The following RGS3 variants were observed in gnomAD, a reference collection of about 807,000 sequenced individuals.
The protein encoded by RGS3 is regulator of G protein signaling 3, also known as regulator of G-protein signalling 3.
A neutral mutation model predicts 132.6 loss-of-function variants in RGS3; 80 were observed. The observed-to-expected ratio is 0.60, with a 90% CI of 0.50 to 0.73. The LOEUF is 0.73. Among genes scored for constraint, RGS3 ranks in the 30% least tolerant of loss-of-function variants. The probability of loss-of-function intolerance (pLI) is 0.00; values close to 1 mark genes in which losing one functional copy is unlikely to be tolerated. For synonymous variants in RGS3, 598 were observed against 620.6 expected, an observed-to-expected ratio of 0.96 and a Z score of 0.54; for missense variants, 1,382 against 1,530.8, an observed-to-expected ratio of 0.90 and a Z score of 1.62.
At chr9:113,484,272 A>C (rs201587371) in intron 6 of RGS3, 40 bp downstream of exon 4, 1 of 1,059,882 alleles carries the variant, frequency 9.4e-7, no homozygotes, top group Admixed American at 1.8e-5. Flanking sequence ...AAGGAGAGGG[A>C]AGGAGTGTTT....
chr9:113,496,568 T>C (rs1207794911), intron 8 of RGS3, among the ~76,000 whole-genome samples: 2 of 152,142 alleles, frequency 1.3e-5, no homozygotes, highest in South Asian at 4.2e-4. Context: ...TTTTTTCTTT[T>C]GAGACGGAGT....
At chr9:113,461,681 G>T in intron 1 of RGS3, 1 of 1,605,420 alleles carries the variant, frequency 6.2e-7, no homozygotes. Flanking sequence ...AGTGCCCAGT[G>T]TGGGCCTCGG....
intron 7 of RGS3, among the ~76,000 whole-genome samples, chr9:113,494,047 G>A (rs1343044389): frequency 6.6e-6 from 1 of 151,948 alleles, no homozygotes; most frequent in African/African-American, 2.4e-5. Context: ...AAATATCCAC[G>A]ATGTTTCTTG....
chr9:113,479,282 C>A, intron 3 of RGS3: 2 of 607,582 alleles, frequency 3.3e-6, no homozygotes, highest in Non-Finnish European at 5.9e-6. Context: ...GCTAGAGAAC[C>A]ACTGCTGGAG....
chr9:113,597,037 G>A, exon 25 of RGS3: 1 of 1,226,340 alleles, frequency 8.2e-7, no homozygotes. Context: ...GTGACGGAGG[G>A]GGCAAGCAAG....
At chr9:113,596,640 G>A (rs1310780744) in intron 24 of RGS3, 128 bp from the exon 23 acceptor site, 3 of 733,074 alleles carry the variant, frequency 4.1e-6, no homozygotes, top group Non-Finnish European at 6.5e-6. Flanking sequence ...CTCTACTTCA[G>A]ATGAACCTTA....
At chr9:113,517,306 G>T in intron 15 of RGS3, 1 of 648,844 alleles carries the variant, frequency 1.5e-6, no homozygotes, top group Non-Finnish European at 2.9e-6. Flanking sequence ...TAGCTCTCAC[G>T]GTGAGGGTTG....
At chr9:113,534,608 GA>G (rs1832605213) in intron 18 of RGS3, among the ~76,000 whole-genome samples, 1 of 127,452 alleles carries the variant, frequency 7.8e-6, no homozygotes, top group Admixed American at 9.6e-5. Flanking sequence ...TAGTACAGAT[GA>G]ATTTTTTTTT....
intron 3 of RGS3, among the ~76,000 whole-genome samples, chr9:113,472,075 A>G (rs934353202): frequency 2.6e-5 from 4 of 152,240 alleles, no homozygotes; most frequent in Non-Finnish European, 5.9e-5. Flanking sequence ...ACAATGAGAT[A>G]CTATCATACT....
intron 19 of RGS3, among the ~76,000 whole-genome samples, chr9:113,571,945 C>T (rs1166168224): frequency 6.6e-6 from 1 of 152,144 alleles, no homozygotes; most frequent in East Asian, 1.9e-4. Context: ...AAAATCCATC[C>T]TGTCTCACTA....
At chr9:113,588,873 G>A (rs1355693637) in intron 20 of RGS3, among the ~76,000 whole-genome samples, 2 of 152,204 alleles carry the variant, frequency 1.3e-5, no homozygotes, top group African/African-American at 4.8e-5. Flanking sequence ...ATGTAACTGA[G>A]CTAAGGTCAA....
At chr9:113,578,235 T>C (rs1426302123) in intron 19 of RGS3, among the ~76,000 whole-genome samples, 1 of 152,002 alleles carries the variant, frequency 6.6e-6, no homozygotes, top group African/African-American at 2.4e-5. Flanking sequence ...GGGAGGGAGA[T>C]GTTAAGGCCA....
chr9:113,541,274 G>T, intron 19 of RGS3: 1 of 1,594,928 alleles, frequency 6.3e-7, no homozygotes, highest in South Asian at 1.1e-5. Flanking sequence ...AGGCAGCCCG[G>T]CCTGAGTAGA....
chr9:113,522,837 G>T lies in RGS3; in HGVS notation c.1759-93G>T. On this transcript the variant is annotated intron_variant, in intron 16 of 24. Coordinates refer to ENST00000350696, the Ensembl canonical transcript of RGS3. Reference sequence around the variant, plus strand: ...ATGATGAGGATGCATTATCTGGGGAGGCTGTGGCTCCCCACCTTCTCGGGG... The same window carrying T: ...ATGATGAGGATGCATTATCTGGGGATGCTGTGGCTCCCCACCTTCTCGGGG... 3 of 809,928 alleles carry T rather than the reference G, an allele frequency of 3.7e-6. No homozygotes were observed. The South Asian group carries it at 4.1e-5, about 11-fold the overall frequency. 50.2% of individuals were successfully genotyped at this position (809,928 alleles called of 1,614,324 possible).
chr9:113,493,582 T>C (rs1830590082), intron 7 of RGS3, among the ~76,000 whole-genome samples: 1 of 152,108 alleles, frequency 6.6e-6, no homozygotes, highest in Admixed American at 6.5e-5. Context: ...GCTAGTTTTG[T>C]TTTGCTTAGG....
chr9:113,477,163 C>G (rs1187102938), intron 3 of RGS3, among the ~76,000 whole-genome samples: 1 of 152,172 alleles, frequency 6.6e-6, no homozygotes, highest in African/African-American at 2.4e-5. Context: ...CGCCTTTCAT[C>G]CAAGGAGTCC....
intron 19 of RGS3, among the ~76,000 whole-genome samples, chr9:113,568,173 C>G (rs1264537654): frequency 3.3e-5 from 5 of 152,258 alleles, no homozygotes; most frequent in African/African-American, 1.2e-4. Context: ...GGGACAAGAA[C>G]TCAGGTTCCC....
chr9:113,514,673 T>C lies in RGS3; in HGVS notation c.1674+19T>C, dbSNP rs1272052435. ...TGTTCAGGTGAGCCCGTGGCTGGTCTTAAAGGTTCCCTCAGGAGGAACGGA... is the reference window on the plus strand; with the variant it reads ...TGTTCAGGTGAGCCCGTGGCTGGTCCTAAAGGTTCCCTCAGGAGGAACGGA... On this transcript the variant is annotated intron_variant, in intron 15 of 24. Transcript: ENST00000350696. 1 of 1,611,094 alleles carries C rather than the reference T, an allele frequency of 6.2e-7. No homozygotes were observed. The highest frequency in any genetic ancestry group is 8.5e-7 in the Non-Finnish European group (1 of 1,178,934).
chr9:113,447,848 C>CTT (rs1350413411), intron 1 of RGS3, among the ~76,000 whole-genome samples: 14 of 129,472 alleles, frequency 1.1e-4, no homozygotes, highest in East Asian at 4.3e-4. Context: ...TACCCCTAGT[C>CTT]TTTTTTTTTT....
Sources: gnomAD v4.1 joint callset for allele counts (sites outside exome capture counted in the v4.1 genomes callset) on GRCh38, gnomAD v4.1.1 for gene constraint, MANE v1.5 for transcripts, NCBI Gene and HGNC (gene_info 2026-07-23, HGNC 2026-07-21) for gene names.